TAPBP: variants seen among roughly 807,000 people sequenced by gnomAD.
TAPBP encodes the protein TAP binding protein.
TAPBP carries 38 observed loss-of-function variants against 45.7 expected under a neutral mutation model. The observed-to-expected ratio is 0.83, with a 90% CI of 0.64 to 1.09. The LOEUF is 1.09. Ranked by LOEUF, TAPBP falls within the 50% of genes least tolerant of loss-of-function variation. The probability of loss-of-function intolerance (pLI) is 0.00; values close to 1 mark genes in which losing one functional copy is unlikely to be tolerated. For missense variants in TAPBP, 513 were observed against 587.3 expected, an observed-to-expected ratio of 0.87 and a Z score of 1.31; for synonymous variants, 226 against 254.8, an observed-to-expected ratio of 0.89 and a Z score of 1.08.
Position 33,313,738 on chromosome 6 carries a change from G to T in TAPBP, c.164C>A (p.Pro55Gln), listed in dbSNP as rs769543502. ...LLLRQGPGEP[P>Q]PRPDLDPELY... ...CTCAGGGTCGAGGTCCGGCCGGGGC[G>T]GCGGTTCCCCCGGTCCCTGGCGCAA... The change falls in exon 2 of 8, where the codon CCG becomes CAG. Residue 55 changes from proline to glutamine, a missense_variant. By Grantham distance (76) the Pro-to-Gln change is moderately conservative (BLOSUM62 -1). Transcript: ENST00000434618. The surrounding 1 kb of genome is among the most constrained non-coding windows in gnomAD (Gnocchi z 7.2). 9 of 1,613,592 alleles carry T rather than the reference G, an allele frequency of 5.6e-6. No homozygotes were observed. Among genetic ancestry groups the T allele is most frequent in the Non-Finnish European group, 7.6e-6 (9 of 1,179,992 alleles).
Position 33,304,324 on chromosome 6 carries a change from T to A in TAPBP, c.1183A>T (p.Ser395Cys). ...GCTACCTCCAGGGTGACCTCAGCGC[T>A]GCGCCCCGAGGCAGGCAGGCTGGGA... ...HHPSLPASGRSAEVTLEVAGL... is the reference protein window; with the variant it reads ...HHPSLPASGRCAEVTLEVAGL... The change falls in exon 5 of 8, where the codon AGC (serine) becomes TGC (cysteine). Residue 395 changes from serine (S) to cysteine (C), a missense_variant. Coordinates refer to ENST00000434618, the MANE Select transcript of TAPBP (RefSeq NM_003190.5). 2 of 1,606,268 alleles carry A rather than the reference T, an allele frequency of 1.2e-6. No homozygotes were observed. Among genetic ancestry groups the A allele is most frequent in the Middle Eastern group, 1.7e-4 (1 of 6,018 alleles).
chr6:33,309,703 A>G (rs1338482953), intron 3 of TAPBP, among the ~76,000 whole-genome samples: 1 of 136,898 alleles, frequency 7.3e-6, no homozygotes, highest in Non-Finnish European at 1.5e-5. Context: ...CCATAGGTAC[A>G]TGCCACGACA....
At chr6:33,302,278 T>C (rs1768644604) in intron 7 of TAPBP, among the ~76,000 whole-genome samples, 1 of 151,676 alleles carries the variant, frequency 6.6e-6, no homozygotes, top group African/African-American at 2.4e-5. Flanking sequence ...CCCAAGTAGC[T>C]GGGACTATAG....
In TAPBP at chr6:33,305,502, C is replaced by G. The variant is rs1263478926; in HGVS notation, c.470-115G>C. The G allele has an allele frequency of 1.0e-5, 12 of 1,154,938 alleles. No individual in the cohort carries two copies. The highest frequency in any genetic ancestry group is 1.2e-6 in the Non-Finnish European group (1 of 841,206). 71.5% of individuals were successfully genotyped at this position (1,154,938 alleles called of 1,614,324 possible). On this transcript the variant is annotated intron_variant, in intron 3 of 7. Transcript: ENST00000434618. The surrounding 1 kb of genome is among the most constrained non-coding windows in gnomAD (Gnocchi z 4.4). ...GCTAAACTGCAGTTTACCCACCCCT[C>G]AGAGGACACCTTTTCTGATACTCAC...
In TAPBP at chr6:33,303,461, G is replaced by A. The variant is rs1277522156; in HGVS notation, c.1335+494C>T. On this transcript the variant is annotated intron_variant, in intron 7 of 7. Transcript: ENST00000434618. ...AATCTTCAGGCCATGTGTATAAGGT[G>A]TATAGGAAACATAAATGATTTCTGT... The A allele has an allele frequency of 7.6e-6, 3 of 395,936 alleles. No homozygotes were observed. The East Asian group carries it at 1.5e-4, about 20-fold the overall frequency. 24.5% of individuals were successfully genotyped at this position (395,936 alleles called of 1,614,324 possible).
intron 3 of TAPBP, chr6:33,308,169 A>AC (rs1491351878): frequency 1.9e-5 from 1 of 52,794 alleles, no homozygotes; most frequent in Non-Finnish European, 4.2e-5. Context: ...CTAAAAATAC[A>AC]AAAAAAAAAA....
chr6:33,312,967 T>G (rs1769460940), intron 3 of TAPBP: 4 of 370,328 alleles, frequency 1.1e-5, no homozygotes, highest in African/African-American at 2.1e-5. Flanking sequence ...GTAACCCCCC[T>G]GCCCGGCCCT....
chr6:33,308,871 A>C (rs192800539), intron 3 of TAPBP, among the ~76,000 whole-genome samples: 24 of 152,166 alleles, frequency 1.6e-4, no homozygotes, highest in Non-Finnish European at 3.1e-4. Context: ...ATGTACATGA[A>C]GGTCACTTTC....
Position 33,313,892 on chromosome 6 carries a change from C to T in TAPBP, c.38-28G>A. 1 of 1,613,194 alleles carries T rather than the reference C, an allele frequency of 6.2e-7. No homozygotes were observed. The highest frequency in any genetic ancestry group is 2.2e-5 in the East Asian group (1 of 44,868). On this transcript the variant is annotated intron_variant, in intron 1 of 7. Coordinates refer to ENST00000434618, the MANE Select transcript of TAPBP (RefSeq NM_003190.5). This position sits in a 1 kb window ranked among gnomAD's most constrained non-coding sequence, Gnocchi z 7.2. Reference sequence around the variant, plus strand: ...GGCGTATAGGGACGCGAGTGAGGAGCGGTTTGTATGTCTGGTGACCTGCCC... The same window carrying T: ...GGCGTATAGGGACGCGAGTGAGGAGTGGTTTGTATGTCTGGTGACCTGCCC...
chr6:33,304,715 T>G, intron 4 of TAPBP, 77 bp from the exon 5 acceptor site: 1 of 1,462,494 alleles, frequency 6.8e-7, no homozygotes, highest in Non-Finnish European at 9.1e-7. Flanking sequence ...GTTTGCCTGC[T>G]GGCTTCCTCA....
At position 33,313,009 on chromosome 6, in the gene TAPBP, T is replaced by G. The variant is rs1021528304; in HGVS notation, c.469+208A>C. 1.3e-4 allele frequency: 58 copies of G among 461,108 alleles called. 1 individual carries two copies. The highest frequency in any genetic ancestry group is 1.1e-3 in the Admixed American group (23 of 21,026). The allele number at this position is 461,108 out of a possible 1,614,324, so 28.6% of individuals were successfully genotyped here. On this transcript the variant is annotated intron_variant, in intron 3 of 7. Coordinates refer to ENST00000434618, the MANE Select transcript of TAPBP (RefSeq NM_003190.5). This position sits in a 1 kb window ranked among gnomAD's most constrained non-coding sequence, Gnocchi z 7.2. ...CCCCTACCCCCTGCCAAGCTGCAGT[T>G]TTTTTTTTGTTTTTTTTTTTTAACT...
chr6:33,307,529 G>A (rs1274994559), intron 3 of TAPBP, among the ~76,000 whole-genome samples: 1 of 151,076 alleles, frequency 6.6e-6, no homozygotes. Context: ...AGCCTCCTGA[G>A]TAGCTGGGAT....
rs139709170 is a variant in TAPBP at position 33,311,938 on chromosome 6, C to A, written c.469+1279G>T. ...ATCAGGTTTCAGTATATTTTAGAAA[C>A]CTCCAACAGTGTGGACTGAGAACTG... On this transcript the variant is annotated intron_variant, in intron 3 of 7. Transcript: ENST00000434618. Among the ~76,000 whole-genome samples the A allele has an allele frequency of 4.7e-3, 718 of 152,292 alleles. 6 individuals are homozygous for A. The highest frequency in any genetic ancestry group is 0.016 in the African/African-American group (683 of 41,554).
intron 3 of TAPBP, among the ~76,000 whole-genome samples, chr6:33,309,608 T>C (rs1217643637): frequency 7.1e-6 from 1 of 141,500 alleles, no homozygotes; most frequent in Non-Finnish European, 1.6e-5. Context: ...TCTTTTTTTT[T>C]TTTTTTTTTT....
chr6:33,309,599 C>CTTTTTTT (rs759356578), intron 3 of TAPBP, among the ~76,000 whole-genome samples: 4 of 91,460 alleles, frequency 4.4e-5, no homozygotes, highest in African/African-American at 8.8e-5. Flanking sequence ...CAGTTTAACT[C>CTTTTTTT]TTTTTTTTTT....
At position 33,313,036 on chromosome 6, in the gene TAPBP, G is replaced by A. The variant is rs1453452025; in HGVS notation, c.469+181C>T. ...TTTTTTTGTTTTTTTTTTTTAACTG[G>A]GTGAGGGCTAGAAGGAGCGGTAGAG... On this transcript the variant is annotated intron_variant, in intron 3 of 7. Transcript: ENST00000434618. The surrounding 1 kb of genome is among the most constrained non-coding windows in gnomAD (Gnocchi z 7.2). 1.8e-5 allele frequency: 10 copies of A among 560,580 alleles called. No individual in the cohort carries two copies. Among genetic ancestry groups the A allele is most frequent in the Non-Finnish European group, 2.8e-5 (10 of 361,660 alleles). 34.7% of individuals were successfully genotyped at this position (560,580 alleles called of 1,614,324 possible).
rs1437638546 is a variant in TAPBP at position 33,305,781 on chromosome 6, G to A, written c.470-394C>T. The stretch of plus-strand genomic sequence containing the variant: ...AACCAGGCCTTTCTTGATTACAGGC[G>A]AAGACAATGATTGAGCCATGACTGT... On this transcript the variant is annotated intron_variant, in intron 3 of 7. Coordinates refer to ENST00000434618, the MANE Select transcript of TAPBP (RefSeq NM_003190.5). The surrounding 1 kb of genome is among the most constrained non-coding windows in gnomAD (Gnocchi z 4.4). Among the ~76,000 whole-genome samples, 3 of 152,182 alleles carry A rather than the reference G, an allele frequency of 2.0e-5. No homozygotes were observed. Among genetic ancestry groups the A allele is most frequent in the Non-Finnish European group, 4.4e-5 (3 of 68,034 alleles).
In TAPBP at chr6:33,304,623, G is replaced by A; in HGVS notation, c.884C>T (p.Ser295Phe). 1 of 1,579,600 alleles carries A rather than the reference G, an allele frequency of 6.3e-7. No homozygotes were observed. Among genetic ancestry groups the A allele is most frequent in the Non-Finnish European group, 8.6e-7 (1 of 1,167,220 alleles). Residue 295 changes from serine (S) to phenylalanine (F), a missense_variant, in exon 5 of 8, where the codon TCC becomes TTC. By Grantham distance (155) the Ser-to-Phe change is radical (BLOSUM62 -2). Coordinates refer to ENST00000434618, the MANE Select transcript of TAPBP (RefSeq NM_003190.5). Reference protein sequence around the residue: ...ELAVYKPPKVSLMPATLARAA... With the variant: ...ELAVYKPPKVFLMPATLARAA... ...CCGTGCAAGGGTTGCTGGCATCAGG[G>A]ACACTTTGGGGGGTTCTGGGGAAAG... is the stretch of plus-strand genomic sequence containing the variant.
rs1188630292 is a variant in TAPBP at position 33,313,599 on chromosome 6, G to C, written c.208+95C>G. ...GTAGTGAGACTCACTTTACAAAGGG[G>C]AAGCTGAGGCCTGAGGTCACTGCCG... On this transcript the variant is annotated intron_variant, in intron 2 of 7. Transcript: ENST00000434618. The surrounding 1 kb of genome is among the most constrained non-coding windows in gnomAD (Gnocchi z 7.2). 6.5e-7 allele frequency: 1 copy of C among 1,539,346 alleles called. No individual in the cohort carries two copies. Among genetic ancestry groups the C allele is most frequent in the East Asian group, 2.3e-5 (1 of 44,048 alleles).
Sources: gnomAD v4.1 joint callset for allele counts (sites outside exome capture counted in the v4.1 genomes callset) on GRCh38, gnomAD v4.1.1 for gene constraint, Gnocchi (gnomAD v3.1) non-coding constraint, MANE v1.5 for transcripts, NCBI Gene and HGNC (gene_info 2026-07-23, HGNC 2026-07-21) for gene names.